The following NARS1 variants were observed in gnomAD, a reference collection of about 807,000 sequenced individuals.
The protein encoded by NARS1 is asparagine--tRNA ligase, cytoplasmic.
A neutral mutation model predicts 79.2 loss-of-function variants in NARS1; 65 were observed. The observed-to-expected ratio is 0.82, with a 90% CI of 0.67 to 1.01. The LOEUF (loss-of-function observed/expected upper bound fraction) is 1.01. Ranked by LOEUF, NARS1 falls within the 50% of genes least tolerant of loss-of-function variation. The probability of loss-of-function intolerance (pLI) is 0.00; values close to 1 mark genes in which losing one functional copy is unlikely to be tolerated. For synonymous variants in NARS1, 229 were observed against 238.8 expected (o/e 0.96, Z 0.38); for missense variants, 649 against 673.8 (o/e 0.96, Z 0.41).
chr18:57,617,757 A>G (rs1908114199), intron 2 of NARS1, among the ~76,000 whole-genome samples: 1 of 149,530 alleles, frequency 6.7e-6, no homozygotes, highest in African/African-American at 2.5e-5. Context: ...TCTACTAAAA[A>G]TACAAAAATT....
chr18:57,615,098 G>A (rs2122450026), intron 4 of NARS1, among the ~76,000 whole-genome samples: 1 of 152,252 alleles, frequency 6.6e-6, no homozygotes, highest in South Asian at 2.1e-4. Flanking sequence ...AGCCCAGGAG[G>A]CAGAGGTTGC....
rs1029323163 is a variant in NARS1 at position 57,603,038 on chromosome 18, A to G, written c.1252-95T>C. 21 of 1,245,536 alleles carry G rather than the reference A, an allele frequency of 1.7e-5. No homozygotes were observed. The East Asian group carries it at 4.7e-4, about 28-fold the overall frequency. 77.2% of individuals were successfully genotyped at this position (1,245,536 alleles called of 1,614,324 possible). ...CCTGTACCAGTCCTTCCTCCTATCA[A>G]TTCAACAGAGTAGAGGATACACACC... On this transcript the variant is annotated intron_variant, in intron 11 of 13. Coordinates refer to ENST00000256854, the MANE Select transcript of NARS1 (RefSeq NM_004539.4).
At chr18:57,617,312 C>A (rs1161218866) in intron 2 of NARS1, among the ~76,000 whole-genome samples, 2 of 152,090 alleles carry the variant, frequency 1.3e-5, no homozygotes, top group African/African-American at 2.4e-5. Flanking sequence ...GTGGCTCACA[C>A]CTGTAATCCC....
At chr18:57,610,267 T>C (rs1248406729) in intron 6 of NARS1, among the ~76,000 whole-genome samples, 20 of 150,638 alleles carry the variant, frequency 1.3e-4, no homozygotes, top group Admixed American at 1.3e-3. Flanking sequence ...AGGTCAGGAG[T>C]TCAAGACCAG....
chr18:57,603,054 G>A, intron 11 of NARS1, 111 bp from the exon 12 acceptor site: 1 of 955,952 alleles, frequency 1.0e-6, no homozygotes, highest in Non-Finnish European at 1.6e-6. Context: ...CAGAGTAGAG[G>A]ATACACACCT....
Position 57,601,685 on chromosome 18 carries a change from T to A in NARS1, c.1614A>T (p.Leu538Phe), listed in dbSNP as rs1181392045. 3 of 1,614,082 alleles carry A rather than the reference T, an allele frequency of 1.9e-6. No homozygotes were observed. The South Asian group carries it at 3.3e-5, about 18-fold the overall frequency. The change falls in exon 14 of 14, where the codon TTA becomes TTT. Residue 538 changes from leucine to phenylalanine, a missense_variant. Leu to Phe is a conservative substitution (Grantham distance 22, BLOSUM62 0). Coordinates refer to ENST00000256854, the MANE Select transcript of NARS1 (RefSeq NM_004539.4). ...TGCAACGCTGGACAAATCGAGGGTA[T>A]AAGCACACGTCTCGGATGTGATACC... ...LNRYHIRDVC[L>F]YPRFVQRCTP
chr18:57,602,732 G>A (rs1222431011), intron 12 of NARS1, 80 bp downstream of exon 12: 3 of 1,481,162 alleles, frequency 2.0e-6, no homozygotes, highest in South Asian at 1.3e-5. Context: ...TATTTGGCAT[G>A]AGCTGTACCT....
intron 11 of NARS1, among the ~76,000 whole-genome samples, chr18:57,603,458 C>T (rs1049058358): frequency 6.6e-6 from 1 of 152,142 alleles, no homozygotes; most frequent in Non-Finnish European, 1.5e-5. Context: ...ATCAGTTATG[C>T]CTTCGATGAC....
intron 2 of NARS1, among the ~76,000 whole-genome samples, chr18:57,617,687 T>C (rs899718465): frequency 1.3e-5 from 2 of 148,404 alleles, no homozygotes; most frequent in Non-Finnish European, 3.0e-5. Context: ...GAGGCCGAGG[T>C]GGGCGGATCA....
At position 57,614,028 on chromosome 18, in the gene NARS1, C is replaced by T. The variant is rs117598549; in HGVS notation, c.343-348G>A. 1.4e-4 allele frequency among the ~76,000 whole-genome samples: 22 copies of T among 152,302 alleles called. No homozygotes were observed. In the East Asian group the frequency reaches 4.0e-3, roughly 28 times the overall value. On this transcript the variant is annotated intron_variant, in intron 4 of 13. Coordinates refer to ENST00000256854, the MANE Select transcript of NARS1 (RefSeq NM_004539.4). Reference sequence around the variant, plus strand: ...GCAACAATCCCAGTCCACATGAAGCCTTTTCCATGACCCCACAGTTCTTCA... The same window carrying T: ...GCAACAATCCCAGTCCACATGAAGCTTTTTCCATGACCCCACAGTTCTTCA...
Position 57,615,669 on chromosome 18 carries a change from T to C in NARS1, c.314A>G (p.Asn105Ser), listed in dbSNP as rs1444035229. The C allele has an allele frequency of 6.2e-7, 1 of 1,612,872 alleles. No individual in the cohort carries two copies. Among genetic ancestry groups the C allele is most frequent in the East Asian group, 2.2e-5 (1 of 44,872 alleles). Residue 105 changes from asparagine to serine, a missense_variant, in exon 4 of 14, where the codon AAT (asparagine) becomes AGT (serine). Transcript: ENST00000256854. ...TTTTGGCTCTGGGAGACTTGGATCA[T>C]TTTTAATGGTAATCTTCTTTGCTTC... ...LEEAKKITIK[N>S]DPSLPEPKCV... is the part of the protein sequence containing the mutation.
rs1907993913 is a variant in NARS1, at chr18:57,615,718, A to T, written c.265T>A (p.Leu89Ile). ...TCTTCCAGGTTCTTTTCTCTTCGTA[A>T]ACTATCTTCTGCCTAATTTTAATGA... is the stretch of plus-strand genomic sequence containing the variant. The part of the protein sequence containing the change: ...SREKKEAEDS[L>I]RREKNLEEAK... The change falls in exon 4 of 14, where the codon TTA (leucine) becomes ATA (isoleucine). Residue 89 changes from leucine to isoleucine, a missense_variant. By Grantham distance (5) the Leu-to-Ile change is conservative. Coordinates refer to ENST00000256854, the MANE Select transcript of NARS1 (RefSeq NM_004539.4). 2 of 1,612,578 alleles carry T rather than the reference A, an allele frequency of 1.2e-6. No homozygotes were observed. Among genetic ancestry groups the T allele is most frequent in the Admixed American group, 3.3e-5 (2 of 59,776 alleles).
At chr18:57,621,574 C>G in intron 1 of NARS1, 134 bp downstream of exon 1, 1 of 539,810 alleles carries the variant, frequency 1.9e-6, no homozygotes, top group South Asian at 1.6e-5. Flanking sequence ...CCCTCCCTCC[C>G]TCCCTGCAAT....
chr18:57,609,570 T>G, intron 6 of NARS1, 127 bp from the exon 7 acceptor site: 1 of 655,496 alleles, frequency 1.5e-6, no homozygotes. Context: ...AAGAGTGAGA[T>G]GGCCACTGAT....
At chr18:57,613,481 A>C in intron 5 of NARS1, 121 bp downstream of exon 5, 1 of 809,566 alleles carries the variant, frequency 1.2e-6, no homozygotes, top group Non-Finnish European at 1.9e-6. Context: ...CAACAAAGTG[A>C]GACTGTGTCT....
In NARS1 at chr18:57,613,548, T is replaced by A. The variant is rs186270663; in HGVS notation, c.421+54A>T. The A allele has an allele frequency of 3.3e-5, 48 of 1,438,118 alleles. 1 individual carries two copies. The Admixed American group carries it at 9.2e-4, about 27-fold the overall frequency. 89.1% of individuals were successfully genotyped at this position (1,438,118 alleles called of 1,614,324 possible). On this transcript the variant is annotated intron_variant, in intron 5 of 13. Transcript: ENST00000256854. ...GCAAATCTTTGTATGTTTTTCTTCA[T>A]CTAAGAGCAGGGATATTTAAACATT...
Position 57,605,346 on chromosome 18 carries a change from C to T in NARS1, c.1251+511G>A, listed in dbSNP as rs143193586. 3.4e-3 allele frequency among the ~76,000 whole-genome samples: 523 copies of T among 151,758 alleles called. 1 individual carries two copies. Among genetic ancestry groups the T allele is most frequent in the Non-Finnish European group, 5.0e-3 (342 of 67,910 alleles). Reference sequence around the variant, plus strand: ...ACACTTGGCCAGAAGCGGTGGCTCACGCCTATAATCCCAGCACTTTGGGAG... The same window carrying T: ...ACACTTGGCCAGAAGCGGTGGCTCATGCCTATAATCCCAGCACTTTGGGAG... On this transcript the variant is annotated intron_variant, in intron 11 of 13. Coordinates refer to ENST00000256854, the MANE Select transcript of NARS1 (RefSeq NM_004539.4).
At chr18:57,610,489 A>T (rs1156674754) in intron 6 of NARS1, among the ~76,000 whole-genome samples, 1 of 152,188 alleles carries the variant, frequency 6.6e-6, no homozygotes, top group Non-Finnish European at 1.5e-5. Flanking sequence ...AAAAAGAAAA[A>T]GACAACCACA....
intron 5 of NARS1, 137 bp downstream of exon 5, chr18:57,613,465 C>G (rs2051621706): frequency 4.2e-6 from 3 of 708,930 alleles, no homozygotes; most frequent in African/African-American, 1.8e-5. Flanking sequence ...TGCACTCCAG[C>G]CTGGGCAACA....
Sources: gnomAD v4.1 joint callset for allele counts (sites outside exome capture counted in the v4.1 genomes callset) on GRCh38, gnomAD v4.1.1 for gene constraint, MANE v1.5 for transcripts, NCBI Gene and HGNC (gene_info 2026-07-23, HGNC 2026-07-21) for gene names.